PDE4B: variants seen among roughly 807,000 people sequenced by gnomAD.
PDE4B encodes the protein phosphodiesterase 4B, also known as 3',5'-cyclic-AMP phosphodiesterase 4B.
In PDE4B, 20 loss-of-function variants were observed where a neutral mutation model predicts 82.2. The ratio of observed to expected loss-of-function variants is 0.24; its 90% CI spans 0.17 to 0.35. PDE4B has a LOEUF of 0.35. PDE4B is among the 10% of genes least tolerant of loss of function. PDE4B has a pLI of 1.00. For synonymous variants in PDE4B, 320 were observed against 318.9 expected (o/e 1.00, Z -0.04); for missense variants, 655 against 907.2 (o/e 0.72, Z 3.57).
In PDE4B at chr1:66,075,061, C is replaced by G. The variant is rs190057798; in HGVS notation, c.281+156226C>G. 6.6e-5 allele frequency among the ~76,000 whole-genome samples: 10 copies of G among 152,134 alleles called. No homozygotes were observed. In the East Asian group the frequency reaches 2.0e-3, roughly 30 times the overall value. On this transcript the variant is annotated intron_variant, in intron 3 of 16. Coordinates refer to ENST00000341517, the MANE Select transcript of PDE4B (RefSeq NM_002600.4). ...TTTTTACTGAAGTGGCAGTGCACAG[C>G]AGCAGCAGAAGTGTTGTTTCTTGTA...
At chr1:66,303,302 A>G (rs1017378497) in intron 7 of PDE4B, among the ~76,000 whole-genome samples, 6 of 151,478 alleles carry the variant, frequency 4.0e-5, no homozygotes, top group Non-Finnish European at 8.8e-5. Flanking sequence ...AATAAAAATT[A>G]TATATATTTA....
chr1:66,133,888 A>G lies in PDE4B; in HGVS notation c.282-113572A>G, dbSNP rs185165200. Among the ~76,000 whole-genome samples, 5 of 152,206 alleles carry G rather than the reference A, an allele frequency of 3.3e-5. No individual in the cohort carries two copies. The East Asian group carries it at 9.7e-4, about 29-fold the overall frequency. On this transcript the variant is annotated intron_variant, in intron 3 of 16. Transcript: ENST00000341517. ...CACTCTCTATATGTCCCTTTTATCTACTGTCCTAAAAGCTTTCTGACTTTC... is the reference window on the plus strand; with the variant it reads ...CACTCTCTATATGTCCCTTTTATCTGCTGTCCTAAAAGCTTTCTGACTTTC...
chr1:66,124,848 A>G (rs545599835), intron 3 of PDE4B, among the ~76,000 whole-genome samples: 20 of 152,144 alleles, frequency 1.3e-4, no homozygotes, highest in African/African-American at 4.8e-4. Context: ...CCCACATCCC[A>G]AAGATATGCT....
At chr1:66,347,088 G>T (rs1661449830) in intron 8 of PDE4B, among the ~76,000 whole-genome samples, 3 of 152,086 alleles carry the variant, frequency 2.0e-5, no homozygotes, top group African/African-American at 7.2e-5. Flanking sequence ...TTATGACGTT[G>T]GGTTAGCTGA....
chr1:66,367,259 G>A (rs374164004), intron 13 of PDE4B, among the ~76,000 whole-genome samples: 23 of 152,236 alleles, frequency 1.5e-4, no homozygotes, highest in East Asian at 5.8e-4. Flanking sequence ...CACAATTGCC[G>A]GAGATTAGGG....
At chr1:66,004,436 A>C (rs1013397584) in intron 3 of PDE4B, among the ~76,000 whole-genome samples, 3 of 152,174 alleles carry the variant, frequency 2.0e-5, no homozygotes, top group South Asian at 2.1e-4. Context: ...CCTTACCACA[A>C]TAAAATAAAA....
At chr1:65,939,215 C>G (rs1178956769) in intron 3 of PDE4B, among the ~76,000 whole-genome samples, 2 of 152,136 alleles carry the variant, frequency 1.3e-5, no homozygotes, top group African/African-American at 2.4e-5. Flanking sequence ...ACAGATGCAG[C>G]TGAACACATG....
At chr1:66,081,301 A>C (rs1656709743) in intron 3 of PDE4B, among the ~76,000 whole-genome samples, 1 of 152,010 alleles carries the variant, frequency 6.6e-6, no homozygotes, top group Admixed American at 6.6e-5. Context: ...TCATTCAAAA[A>C]CTTCAGTGCT....
chr1:66,252,982 G>A (rs928781134), intron 4 of PDE4B, among the ~76,000 whole-genome samples: 55 of 152,186 alleles, frequency 3.6e-4, no homozygotes, highest in African/African-American at 1.3e-3. Flanking sequence ...TAATCGTTAA[G>A]TTGAGGACCA....
At chr1:65,864,547 G>C (rs1040112035) in intron 1 of PDE4B, among the ~76,000 whole-genome samples, 5 of 151,936 alleles carry the variant, frequency 3.3e-5, no homozygotes, top group Admixed American at 6.6e-5. Flanking sequence ...GTTTTTGTGC[G>C]GGGGTCCTTT....
intron 16 of PDE4B, 118 bp downstream of exon 16, chr1:66,369,087 C>G: frequency 1.4e-6 from 1 of 729,552 alleles, no homozygotes; most frequent in African/African-American, 1.8e-5. Context: ...AAGGAGACAA[C>G]TACGCATTTT....
chr1:66,339,635 T>G (rs897583701), intron 8 of PDE4B, among the ~76,000 whole-genome samples: 27 of 152,202 alleles, frequency 1.8e-4, no homozygotes, highest in Admixed American at 1.4e-3. Flanking sequence ...CAAAATCTGA[T>G]AAATAAATCA....
intron 3 of PDE4B, among the ~76,000 whole-genome samples, chr1:66,027,848 G>A (rs551197695): frequency 6.6e-6 from 1 of 152,326 alleles, no homozygotes; most frequent in South Asian, 2.1e-4. Flanking sequence ...CCATGGTCTT[G>A]GGCAGCTTCA....
intron 2 of PDE4B, 36 bp downstream of exon 2, chr1:65,913,392 T>C (rs757647118): frequency 1.9e-6 from 3 of 1,604,280 alleles, no homozygotes; most frequent in Admixed American, 3.3e-5. Flanking sequence ...GTTTGGTCTG[T>C]TCAATAAAGA....
At chr1:66,245,261 A>G (rs1294469188) in intron 3 of PDE4B, among the ~76,000 whole-genome samples, 2 of 152,198 alleles carry the variant, frequency 1.3e-5, no homozygotes, top group African/African-American at 4.8e-5. Context: ...AACAGTTTTA[A>G]AAGTATGTTA....
At chr1:65,964,773 T>G (rs1431592451) in intron 3 of PDE4B, among the ~76,000 whole-genome samples, 2 of 152,158 alleles carry the variant, frequency 1.3e-5, no homozygotes, top group African/African-American at 4.8e-5. Context: ...ATTCAGAATA[T>G]ATTGCTAAGT....
chr1:65,929,104 C>T (rs536416663), intron 3 of PDE4B, among the ~76,000 whole-genome samples: 8 of 152,196 alleles, frequency 5.3e-5, no homozygotes, highest in East Asian at 3.9e-4. Flanking sequence ...TCTAGGGGCC[C>T]GCCGGGACTT....
intron 3 of PDE4B, among the ~76,000 whole-genome samples, chr1:66,236,597 T>C (rs1402433761): frequency 3.3e-5 from 5 of 152,182 alleles, no homozygotes; most frequent in Admixed American, 2.0e-4. Flanking sequence ...AGTTATTTTT[T>C]GTTTGTGGGT....
chr1:66,371,842 T>C (rs2050794214), intron 16 of PDE4B, among the ~76,000 whole-genome samples: 1 of 152,236 alleles, frequency 6.6e-6, no homozygotes, highest in African/African-American at 2.4e-5. Flanking sequence ...GCCTGCCTTC[T>C]TCAGAAAATG....
Sources: allele counts gnomAD v4.1 joint callset (sites outside exome capture counted in the v4.1 genomes callset), GRCh38; gene constraint gnomAD v4.1.1; transcripts MANE v1.5; gene names NCBI Gene and HGNC (gene_info 2026-07-23, HGNC 2026-07-21).